Variants in GABRA4 observed in about 807,000 individuals in gnomAD.
The protein encoded by GABRA4 is gamma-aminobutyric acid receptor subunit alpha-4.
A neutral mutation model predicts 49.7 loss-of-function variants in GABRA4; 12 were observed. That is an observed-to-expected ratio of 0.24 (90% CI 0.15 to 0.39). GABRA4 has a LOEUF of 0.39. Ranked by LOEUF, GABRA4 falls within the 10% of genes least tolerant of loss-of-function variation. The pLI is 1.00. For synonymous variants in GABRA4, 288 were observed against 240.2 expected (o/e 1.20, Z -1.84); for missense variants, 506 against 686.0 (o/e 0.74, Z 2.93).
At position 46,979,043 on chromosome 4, in the gene GABRA4, A is replaced by T. The variant is rs745992920; in HGVS notation, c.261T>A (p.Ser87=). The T allele has an allele frequency of 1.9e-6, 3 of 1,609,440 alleles. No individual in the cohort carries two copies. The highest frequency in any genetic ancestry group is 2.6e-6 in the Non-Finnish European group (3 of 1,176,336). The change falls in exon 3 of 9, where the codon TCT becomes TCA. Residue 87 remains serine (S), a synonymous_variant. Transcript: ENST00000264318. ...CGAAAATACCTACCATTTCAACATCAGAAACAGGTCCAAAGCTGGTGACAT... is the reference window on the plus strand; with the variant it reads ...CGAAAATACCTACCATTTCAACATCTGAAACAGGTCCAAAGCTGGTGACAT... ...DIYVTSFGPV[S]DVEMEYTMDV...
At chr4:46,972,746 C>T (rs185173757) in intron 6 of GABRA4, among the ~76,000 whole-genome samples, 45 of 151,760 alleles carry the variant, frequency 3.0e-4, no homozygotes, top group Non-Finnish European at 1.5e-5. Context: ...TTGACTAATA[C>T]CTCGCTGTTT....
intron 2 of GABRA4, among the ~76,000 whole-genome samples, chr4:46,991,135 G>A (rs917504599): frequency 4.6e-5 from 7 of 152,094 alleles, no homozygotes; most frequent in African/African-American, 1.4e-4. Flanking sequence ...GCAGTGAGCC[G>A]AGATCACGCC....
At position 46,919,595 on chromosome 4, in the gene GABRA4, T is replaced by A. The variant is rs944472024; in HGVS notation, c.*8630A>T. On this transcript the variant is annotated 3_prime_UTR_variant, in exon 9 of 9. Coordinates refer to ENST00000264318, the MANE Select transcript of GABRA4 (RefSeq NM_000809.4). Reference sequence around the variant, plus strand: ...TGATATGAGGAAATATGCATTATTGTTTTTTTACTTCTATAATAAGGAATA... The same window carrying A: ...TGATATGAGGAAATATGCATTATTGATTTTTTACTTCTATAATAAGGAATA... 2.0e-5 allele frequency: 3 copies of A among 151,654 alleles called. No individual in the cohort carries two copies. The East Asian group carries it at 5.8e-4, about 29-fold the overall frequency. 9.4% of individuals were successfully genotyped at this position (151,654 alleles called of 1,614,324 possible). A position where few individuals can be genotyped will look rare whatever the true frequency, so the allele number is the denominator to read the frequency against.
intron 8 of GABRA4, among the ~76,000 whole-genome samples, chr4:46,947,845 A>C (rs762387145): frequency 7.9e-5 from 12 of 151,970 alleles, no homozygotes; most frequent in Non-Finnish European, 1.5e-4. Context: ...AATCATTTTA[A>C]TTTTATCTCT....
chr4:46,934,005 C>G (rs1721527271), intron 8 of GABRA4, among the ~76,000 whole-genome samples: 1 of 151,924 alleles, frequency 6.6e-6, no homozygotes, highest in African/African-American at 2.4e-5. Context: ...TAATTTTTAT[C>G]AACTGCAAAA....
Position 46,993,569 on chromosome 4 carries a change from G to T in GABRA4, c.-145C>A. On this transcript the variant is annotated 5_prime_UTR_variant, in exon 1 of 9. Coordinates refer to ENST00000264318, the MANE Select transcript of GABRA4 (RefSeq NM_000809.4). Reference sequence around the variant, plus strand: ...CGCCCGCGCTCAGCCAGCCCGAGCCGCGGTGGGCGTGTGTGTGCACGGGGC... The same window carrying T: ...CGCCCGCGCTCAGCCAGCCCGAGCCTCGGTGGGCGTGTGTGTGCACGGGGC... The T allele has an allele frequency of 1.3e-6, 1 of 792,242 alleles. No individual in the cohort carries two copies. Among genetic ancestry groups the T allele is most frequent in the Non-Finnish European group, 2.1e-6 (1 of 482,912 alleles). 49.1% of individuals were successfully genotyped at this position (792,242 alleles called of 1,614,324 possible).
intron 6 of GABRA4, among the ~76,000 whole-genome samples, chr4:46,972,649 C>A (rs916116514): frequency 1.3e-5 from 2 of 151,522 alleles, no homozygotes; most frequent in Non-Finnish European, 3.0e-5. Flanking sequence ...TTTAAGTAGA[C>A]AATACAGTAC....
chr4:46,928,279 A>G lies in GABRA4; in HGVS notation c.1611T>C (p.Tyr537=). The G allele has an allele frequency of 6.2e-7, 1 of 1,613,220 alleles. No homozygotes were observed. ...TGTCCTTAGATAAATAAACAACCCA[A>G]TAAACCATGTTAAATGCCCCAAATG... The part of the protein sequence containing the change: ...PVTFGAFNMV[Y]WVVYLSKDTM... Residue 537 remains tyrosine (Y), a synonymous_variant, in exon 9 of 9, where the codon TAT becomes TAC. Transcript: ENST00000264318.
chr4:46,967,068 G>A (rs549605309), intron 7 of GABRA4, among the ~76,000 whole-genome samples: 175 of 151,696 alleles, frequency 1.2e-3, no homozygotes, highest in African/African-American at 3.6e-3. Context: ...TTTTAGCTAC[G>A]TTTGACAATA....
intron 8 of GABRA4, among the ~76,000 whole-genome samples, chr4:46,947,073 C>G (rs1344372002): frequency 1.3e-5 from 2 of 151,732 alleles, no homozygotes; most frequent in Non-Finnish European, 2.9e-5. Context: ...TCCAAGATGA[C>G]ACAACATAGA....
chr4:46,974,389 C>T lies in GABRA4; in HGVS notation c.578-14G>A, dbSNP rs777233735. On this transcript the variant is annotated splice_polypyrimidine_tract_variant and intron_variant, in intron 5 of 8. Coordinates refer to ENST00000264318, the MANE Select transcript of GABRA4 (RefSeq NM_000809.4). Reference sequence around the variant, plus strand: ...TTGGATAGGCATCTAAAAGAGAGCACAGAATGTGGTTAGAGTCAATGCTCC... The same window carrying T: ...TTGGATAGGCATCTAAAAGAGAGCATAGAATGTGGTTAGAGTCAATGCTCC... 5.0e-6 allele frequency: 8 copies of T among 1,604,934 alleles called. No individual in the cohort carries two copies. The highest frequency in any genetic ancestry group is 6.0e-6 in the Non-Finnish European group (7 of 1,175,202).
chr4:46,948,367 A>T (rs764776365), intron 8 of GABRA4, among the ~76,000 whole-genome samples: 6 of 152,246 alleles, frequency 3.9e-5, no homozygotes, highest in African/African-American at 1.4e-4. Flanking sequence ...AAGAAATATC[A>T]TGGAGGAAAC....
At chr4:46,979,781 C>T (rs905699193) in intron 2 of GABRA4, among the ~76,000 whole-genome samples, 7 of 152,076 alleles carry the variant, frequency 4.6e-5, no homozygotes, top group East Asian at 1.9e-4. Context: ...CTCAGCAAAA[C>T]GACTCTCTCA....
chr4:46,981,918 AGACCGGAAAAG>A (rs1430986966), intron 2 of GABRA4, among the ~76,000 whole-genome samples: 3 of 152,106 alleles, frequency 2.0e-5, no homozygotes, highest in Non-Finnish European at 4.4e-5. Flanking sequence ...ACAAGATCAA[AGACCGGAAAAG>A]GGCTGAGTGT....
Position 46,920,610 on chromosome 4 carries a change from C to T in GABRA4, c.*7615G>A, listed in dbSNP as rs1342511753. The T allele has an allele frequency of 6.6e-6, 1 of 151,458 alleles. No individual in the cohort carries two copies. Among genetic ancestry groups the T allele is most frequent in the Non-Finnish European group, 1.5e-5 (1 of 67,638 alleles). The allele number at this position is 151,458 out of a possible 1,614,324, so 9.4% of individuals were successfully genotyped here. A position where few individuals can be genotyped will look rare whatever the true frequency, so the allele number is the denominator to read the frequency against. ...AAATTGTGTAAATCCACATTATCTC[C>T]ATATTTTACATTCTATTTTGCTGAC... is the stretch of plus-strand genomic sequence containing the variant. On this transcript the variant is annotated 3_prime_UTR_variant, in exon 9 of 9. Transcript: ENST00000264318.
rs755684993 is a variant in GABRA4 at position 46,928,595 on chromosome 4, C to T, written c.1295G>A (p.Ser432Asn). 1 of 1,613,722 alleles carries T rather than the reference C, an allele frequency of 6.2e-7. No individual in the cohort carries two copies. The highest frequency in any genetic ancestry group is 8.5e-7 in the Non-Finnish European group (1 of 1,179,792). The part of the protein sequence containing the change: ...KGTPRSYLAS[S>N]PNPFSRANAA... Reference sequence around the variant, plus strand: ...ATTTGCACGGCTGAATGGGTTTGGACTGGAAGCTAAGTAAGACCGAGGTGT... The same window carrying T: ...ATTTGCACGGCTGAATGGGTTTGGATTGGAAGCTAAGTAAGACCGAGGTGT... The change falls in exon 9 of 9, where the codon AGT becomes AAT. Residue 432 changes from serine to asparagine, a missense_variant. By Grantham distance (46) the Ser-to-Asn change is conservative. Around this residue, in one of 5 missense-constraint regions of GABRA4, gnomAD observed 243 missense variants for 210.8 expected, o/e 1.15. Transcript: ENST00000264318.
At chr4:46,988,386 G>A (rs1577798629) in intron 2 of GABRA4, among the ~76,000 whole-genome samples, 1 of 152,108 alleles carries the variant, frequency 6.6e-6, no homozygotes, top group African/African-American at 2.4e-5. Flanking sequence ...AATACAGATA[G>A]GTTTCACAAA....
chr4:46,947,794 A>G lies in GABRA4; in HGVS notation c.1134+17176T>C, dbSNP rs566602355. On this transcript the variant is annotated intron_variant, in intron 8 of 8. Coordinates refer to ENST00000264318, the MANE Select transcript of GABRA4 (RefSeq NM_000809.4). ...TGTTTCCCAGTTAATCTTGTGCTGC[A>G]TAATAAATCTCCCCTAAACATAGTG... is the stretch of plus-strand genomic sequence containing the variant. Among the ~76,000 whole-genome samples, 24 of 152,224 alleles carry G rather than the reference A, an allele frequency of 1.6e-4. No homozygotes were observed. The South Asian group carries it at 2.1e-3, about 13-fold the overall frequency.
At chr4:46,978,920 C>A in intron 3 of GABRA4, 111 bp downstream of exon 3, 1 of 727,868 alleles carries the variant, frequency 1.4e-6, no homozygotes, top group Non-Finnish European at 2.5e-6. Context: ...ATTAGGGATT[C>A]TTTAGGTTTC....
Sources: allele counts gnomAD v4.1 joint callset (sites outside exome capture counted in the v4.1 genomes callset), GRCh38; gene constraint gnomAD v4.1.1; regional missense constraint gnomAD v4.1.1; transcripts MANE v1.5; gene names NCBI Gene and HGNC (gene_info 2026-07-23, HGNC 2026-07-21).